SH3BP5L: variants seen among roughly 807,000 people sequenced by gnomAD.
SH3BP5L encodes the protein SH3 binding domain protein 5 like.
SH3BP5L carries 16 observed loss-of-function variants against 40.9 expected under a neutral mutation model. The ratio of observed to expected loss-of-function variants is 0.39; its 90% CI spans 0.27 to 0.59. SH3BP5L has a LOEUF of 0.59. Ranked by LOEUF, SH3BP5L falls within the 20% of genes least tolerant of loss-of-function variation. The pLI, the probability that SH3BP5L is intolerant of heterozygous loss-of-function variation, is 0.53. For missense variants in SH3BP5L, 471 were observed against 544.6 expected (o/e 0.86, Z 1.35); for synonymous variants, 229 against 226.7 (o/e 1.01, Z -0.09).
chr1:248,812,781 C>T lies in SH3BP5L; in HGVS notation c.711+208G>A, dbSNP rs1164528971. Reference sequence around the variant, plus strand: ...CTCCCTTCTTCCAACTACGTTCTCGCCGTCACCAGCCCCCATCACCAGCCC... The same window carrying T: ...CTCCCTTCTTCCAACTACGTTCTCGTCGTCACCAGCCCCCATCACCAGCCC... On this transcript the variant is annotated intron_variant, in intron 6 of 6. Coordinates refer to ENST00000366472, the MANE Select transcript of SH3BP5L (RefSeq NM_030645.3). The surrounding 1 kb of genome is among the most constrained non-coding windows in gnomAD (Gnocchi z 6.1). 2.0e-5 allele frequency among the ~76,000 whole-genome samples: 3 copies of T among 152,174 alleles called. No individual in the cohort carries two copies. Among genetic ancestry groups the T allele is most frequent in the African/African-American group, 7.2e-5 (3 of 41,428 alleles).
chr1:248,814,420 AG>A (rs36021238), intron 5 of SH3BP5L, 28 bp downstream of exon 5: 3 of 1,612,558 alleles, frequency 1.9e-6, no homozygotes, highest in Non-Finnish European at 2.5e-6. Flanking sequence ...GAACCAGCGA[AG>A]GGGACCTGCT....
In SH3BP5L at chr1:248,813,010, G is replaced by A; in HGVS notation, c.690C>T (p.Ala230=). The A allele has an allele frequency of 6.3e-7, 1 of 1,598,286 alleles. No homozygotes were observed. The highest frequency in any genetic ancestry group is 8.5e-7 in the Non-Finnish European group (1 of 1,169,762). The change falls in exon 6 of 7, where the codon GCC becomes GCT. Residue 230 remains alanine (A), a synonymous_variant. Transcript: ENST00000366472. ...CTACCTCCAGGATCTGGCTGAACTGGGCCTTGAGCTCAAAGTAGGGGCGGC... is the reference window on the plus strand; with the variant it reads ...CTACCTCCAGGATCTGGCTGAACTGAGCCTTGAGCTCAAAGTAGGGGCGGC... ...GKSRPYFELK[A]QFSQILEEHK...
At position 248,814,575 on chromosome 1, in the gene SH3BP5L, G is replaced by A. The variant is rs781146309; in HGVS notation, c.411C>T (p.Tyr137=). The A allele has an allele frequency of 4.5e-5, 72 of 1,614,184 alleles. 1 individual carries two copies. Among genetic ancestry groups the A allele is most frequent in the African/African-American group, 6.7e-5 (5 of 75,040 alleles). The change falls in exon 5 of 7, where the codon TAC becomes TAT. Residue 137 remains tyrosine (Y), a synonymous_variant. Coordinates refer to ENST00000366472, the MANE Select transcript of SH3BP5L (RefSeq NM_030645.3). The stretch of plus-strand genomic sequence containing the variant: ...CGTTGTGCATGCTTACGGCCCGCTC[G>A]TACCGCAGCGCTGCCTTCTGTGTCT... ...QQETQKAALR[Y]ERAVSMHNAA...
chr1:248,814,345 A>C, intron 5 of SH3BP5L, 104 bp downstream of exon 5: 1 of 1,308,674 alleles, frequency 7.6e-7, no homozygotes, highest in African/African-American at 1.5e-5. Context: ...CAAAGTTGAA[A>C]GAAGGCTAGA....
At chr1:248,813,300 C>A in intron 5 of SH3BP5L, 138 bp from the exon 6 acceptor site, 1 of 864,666 alleles carries the variant, frequency 1.2e-6, no homozygotes. Context: ...GTGTACAGAG[C>A]CCGAGACACG....
chr1:248,825,496 C>T, intron 1 of SH3BP5L, 130 bp from the exon 2 acceptor site: 2 of 537,902 alleles, frequency 3.7e-6, no homozygotes, highest in Non-Finnish European at 4.8e-6. Context: ...TCCGACCAGT[C>T]CCTACCTCAA....
rs1349381756 is a variant in SH3BP5L, at chr1:248,812,826, C to A, written c.711+163G>T. Among the ~76,000 whole-genome samples, 3 of 152,082 alleles carry A rather than the reference C, an allele frequency of 2.0e-5. No homozygotes were observed. ...CAGCCCCCATCCCTGCCTCTCACTC[C>A]TGCAAGGTCATTTGGAACATGTGTG... On this transcript the variant is annotated intron_variant, in intron 6 of 6. Coordinates refer to ENST00000366472, the MANE Select transcript of SH3BP5L (RefSeq NM_030645.3). The surrounding 1 kb of genome is among the most constrained non-coding windows in gnomAD (Gnocchi z 6.1).
Position 248,824,811 on chromosome 1 carries a change from C to G in SH3BP5L, c.125G>C (p.Ser42Thr). ...TGGGGACAATTTGGCCTCACTGCTGCTGCTTCCACCTCCTCCAGGCTCTTC... is the reference window on the plus strand; with the variant it reads ...TGGGGACAATTTGGCCTCACTGCTGGTGCTTCCACCTCCTCCAGGCTCTTC... ...VAEEPGGGGS[S>T]SSEAKLSPRE... The change falls in exon 2 of 7, where the codon AGC becomes ACC. Residue 42 changes from serine (S) to threonine (T), a missense_variant. Ser to Thr is a moderately conservative substitution (Grantham distance 58). Transcript: ENST00000366472. 1 of 1,614,208 alleles carries G rather than the reference C, an allele frequency of 6.2e-7. No individual in the cohort carries two copies. Among genetic ancestry groups the G allele is most frequent in the African/African-American group, 1.3e-5 (1 of 75,052 alleles).
At position 248,817,109 on chromosome 1, in the gene SH3BP5L, G is replaced by C. The variant is rs183550095; in HGVS notation, c.184-225C>G. 3,412 of 1,445,102 alleles carry C rather than the reference G, an allele frequency of 2.4e-3. 6 individuals carry two copies. Among genetic ancestry groups the C allele is most frequent in the Non-Finnish European group, 2.7e-3 (2,940 of 1,072,138 alleles). The allele number at this position is 1,445,102 out of a possible 1,614,324, so 89.5% of individuals were successfully genotyped here. On this transcript the variant is annotated intron_variant, in intron 2 of 6. Transcript: ENST00000366472. ...AATCCTCACAACTCTACCTTGTATT[G>C]GGTAGTAAAACCCCAGTTTCAAGGA...
In SH3BP5L at chr1:248,812,237, T is replaced by G. The variant is rs1180737005; in HGVS notation, c.845A>C (p.His282Pro). Residue 282 changes from histidine to proline, a missense_variant, in exon 7 of 7, where the codon CAC becomes CCC. His to Pro is a moderately conservative substitution (Grantham distance 77). Coordinates refer to ENST00000366472, the MANE Select transcript of SH3BP5L (RefSeq NM_030645.3). This position sits in a 1 kb window ranked among gnomAD's most constrained non-coding sequence, Gnocchi z 6.1. Reference sequence around the variant, plus strand: ...GGAGGAGCGCCGAGGGCCCAGGGGGTGGGGAGGCAGACCCCCGCGGCGCCG... The same window carrying G: ...GGAGGAGCGCCGAGGGCCCAGGGGGGGGGGAGGCAGACCCCCGCGGCGCCG... ...HARRRGGLPP[H>P]PLGPRRSSPV... 5 of 1,608,708 alleles carry G rather than the reference T, an allele frequency of 3.1e-6. No individual in the cohort carries two copies. Among genetic ancestry groups the G allele is most frequent in the Non-Finnish European group, 4.2e-6 (5 of 1,178,652 alleles).
rs1663866617 is a variant in SH3BP5L at position 248,810,461 on chromosome 1, A to G, written c.*1439T>C. The G allele has an allele frequency of 6.6e-6, 1 of 152,322 alleles. No individual in the cohort carries two copies. Among genetic ancestry groups the G allele is most frequent in the African/African-American group, 2.4e-5 (1 of 41,436 alleles). The allele number at this position is 152,322 out of a possible 1,614,324, so 9.4% of individuals were successfully genotyped here. On this transcript the variant is annotated 3_prime_UTR_variant, in exon 7 of 7. Transcript: ENST00000366472. ...ACAGTAGATGTTAACTGTTACATAA[A>G]CTACTTTATTTAAATAAAACCAGGA... is the stretch of plus-strand genomic sequence containing the variant.
At chr1:248,814,249 T>A in intron 5 of SH3BP5L, 200 bp downstream of exon 5, 1 of 627,572 alleles carries the variant, frequency 1.6e-6, no homozygotes, top group South Asian at 2.0e-5. Context: ...GGGATGACAT[T>A]CTAAGTCAGA....
chr1:248,817,108 T>C (rs1420299619), intron 2 of SH3BP5L: 4 of 1,454,354 alleles, frequency 2.8e-6, no homozygotes, highest in Non-Finnish European at 3.7e-6. Flanking sequence ...TACCTTGTAT[T>C]GGGTAGTAAA....
intron 2 of SH3BP5L, among the ~76,000 whole-genome samples, chr1:248,819,622 G>A (rs957802361): frequency 1.4e-5 from 2 of 144,244 alleles, no homozygotes; most frequent in Non-Finnish European, 3.0e-5. Flanking sequence ...AGAATCACCT[G>A]AATCTGGGAG....
At position 248,812,857 on chromosome 1, in the gene SH3BP5L, A is replaced by C. The variant is rs1484394720; in HGVS notation, c.711+132T>G. 2 of 733,962 alleles carry C rather than the reference A, an allele frequency of 2.7e-6. No individual in the cohort carries two copies. Among genetic ancestry groups the C allele is most frequent in the Admixed American group, 3.2e-5 (1 of 31,290 alleles). 45.5% of individuals were successfully genotyped at this position (733,962 alleles called of 1,614,324 possible). A position where few individuals can be genotyped will look rare whatever the true frequency, so the allele number is the denominator to read the frequency against. On this transcript the variant is annotated intron_variant, in intron 6 of 6. Transcript: ENST00000366472. The surrounding 1 kb of genome is among the most constrained non-coding windows in gnomAD (Gnocchi z 6.1). ...GGTCATTTGGAACATGTGTGCCACCACCCTTCCCCACCGCTAGCCGGAGGC... is the reference window on the plus strand; with the variant it reads ...GGTCATTTGGAACATGTGTGCCACCCCCCTTCCCCACCGCTAGCCGGAGGC...
chr1:248,816,929 G>A (rs369372217), intron 2 of SH3BP5L, 45 bp from the exon 3 acceptor site: 22 of 1,613,152 alleles, frequency 1.4e-5, no homozygotes, highest in African/African-American at 1.2e-4. Context: ...GAAGGAAGTA[G>A]CCTTGAATGA....
In SH3BP5L at chr1:248,811,873, T is replaced by C. The variant is rs1193322225; in HGVS notation, c.*27A>G. On this transcript the variant is annotated 3_prime_UTR_variant, in exon 7 of 7. Transcript: ENST00000366472. ...GCCCCAACCGGCCCGTGGTGGCAGA[T>C]TCAAGCCAGGAACCCTGGCCCCTCG... 16 of 1,465,406 alleles carry C rather than the reference T, an allele frequency of 1.1e-5. No homozygotes were observed. The highest frequency in any genetic ancestry group is 1.5e-5 in the Non-Finnish European group (16 of 1,097,404). The allele number at this position is 1,465,406 out of a possible 1,614,324, so 90.8% of individuals were successfully genotyped here. A position where few individuals can be genotyped will look rare whatever the true frequency, so the allele number is the denominator to read the frequency against.
chr1:248,816,855 G>A lies in SH3BP5L; in HGVS notation c.213C>T (p.Ser71=), dbSNP rs773339708. Residue 71 remains serine (S), a synonymous_variant, in exon 3 of 7, where the codon AGC becomes AGT. Transcript: ENST00000366472. ...QEELEHLNQA[S]EEINQVELQL... is the part of the protein sequence containing the mutation. ...GTAGTTCCACCTGGTTGATCTCCTC[G>A]CTGGCCTGGTTCAGGTGCTCCAACT... 12 of 1,614,050 alleles carry A rather than the reference G, an allele frequency of 7.4e-6. No individual in the cohort carries two copies. Among genetic ancestry groups the A allele is most frequent in the Admixed American group, 1.7e-5 (1 of 60,006 alleles).
intron 2 of SH3BP5L, among the ~76,000 whole-genome samples, chr1:248,818,421 A>C (rs1019743608): frequency 1.3e-5 from 2 of 152,108 alleles, no homozygotes; most frequent in East Asian, 1.9e-4. Context: ...GAGAGGGCAG[A>C]TCCCAAGGCA....
Sources: allele counts gnomAD v4.1 joint callset (sites outside exome capture counted in the v4.1 genomes callset), GRCh38; gene constraint gnomAD v4.1.1; non-coding constraint Gnocchi (gnomAD v3.1); transcripts MANE v1.5; gene names NCBI Gene and HGNC (gene_info 2026-07-23, HGNC 2026-07-21).